Variants in HIVEP3 observed in about 807,000 individuals in gnomAD.
HIVEP3 encodes the protein HIVEP zinc finger 3.
HIVEP3 carries 49 observed loss-of-function variants against 152.8 expected under a neutral mutation model. The observed-to-expected ratio is 0.32, with a 90% CI of 0.26 to 0.41. The LOEUF (loss-of-function observed/expected upper bound fraction) is 0.41, where lower values mean the gene tolerates loss of function less well. Among genes scored for constraint, HIVEP3 ranks in the 10% least tolerant of loss-of-function variants. The probability of loss-of-function intolerance (pLI) is 1.00; values close to 1 mark genes in which losing one functional copy is unlikely to be tolerated. For synonymous variants in HIVEP3, 1,269 were observed against 1,289.0 expected, an observed-to-expected ratio of 0.98 and a Z score of 0.33; for missense variants, 2,790 against 3,103.3, an observed-to-expected ratio of 0.90 and a Z score of 2.40.
chr1:42,025,779 G>A (rs1249028269), intron 1 of HIVEP3, among the ~76,000 whole-genome samples: 1 of 152,158 alleles, frequency 6.6e-6, no homozygotes. Context: ...CCTCAAATCT[G>A]TAAAAAGGGG....
chr1:41,983,545 C>CT (rs1645305735), intron 1 of HIVEP3, among the ~76,000 whole-genome samples: 1 of 152,122 alleles, frequency 6.6e-6, no homozygotes, highest in Non-Finnish European at 1.5e-5. Context: ...GATTAACTGT[C>CT]TGTCTTAGCA....
chr1:41,992,130 T>C (rs371293253), intron 1 of HIVEP3, among the ~76,000 whole-genome samples: 4 of 141,324 alleles, frequency 2.8e-5, no homozygotes, highest in Admixed American at 7.0e-5. Flanking sequence ...TTCAACATAG[T>C]GTTGGAAGTT....
intron 1 of HIVEP3, among the ~76,000 whole-genome samples, chr1:41,935,640 ATGTAAATATGTGTGTTTG>A (rs1645016651): frequency 6.6e-6 from 1 of 151,350 alleles, no homozygotes; most frequent in Admixed American, 6.6e-5. Context: ...ATATATATGT[ATGTAAATATGTGTGTTTG>A]TGTAAAATAT....
At chr1:41,545,526 A>C (rs1287184382) in intron 5 of HIVEP3, among the ~76,000 whole-genome samples, 5 of 129,202 alleles carry the variant, frequency 3.9e-5, no homozygotes, top group African/African-American at 1.5e-4. Flanking sequence ...CATCACCACC[A>C]CTACCATCAC....
At chr1:41,777,994 T>G (rs985257501) in intron 1 of HIVEP3, among the ~76,000 whole-genome samples, 1 of 152,264 alleles carries the variant, frequency 6.6e-6, no homozygotes, top group African/African-American at 2.4e-5. Context: ...CGGGGGTTCT[T>G]GGCAGCAACT....
At chr1:41,703,146 G>C (rs1015596757) in intron 1 of HIVEP3, among the ~76,000 whole-genome samples, 1 of 152,160 alleles carries the variant, frequency 6.6e-6, no homozygotes, top group South Asian at 2.1e-4. Flanking sequence ...GACAAGGCTT[G>C]ACAAAGGACA....
intron 1 of HIVEP3, among the ~76,000 whole-genome samples, chr1:41,861,125 G>T (rs768947018): frequency 6.6e-6 from 1 of 152,328 alleles, no homozygotes; most frequent in East Asian, 1.9e-4. Context: ...GCCTGTGTCC[G>T]TCAGTATGGG....
chr1:41,924,778 C>A (rs1265178847), intron 1 of HIVEP3, among the ~76,000 whole-genome samples: 2 of 152,126 alleles, frequency 1.3e-5, no homozygotes, highest in Non-Finnish European at 2.9e-5. Context: ...TGTTCCAGAG[C>A]TTTTTCTCAC....
chr1:41,591,884 C>T (rs111822681), intron 3 of HIVEP3, among the ~76,000 whole-genome samples: 1,965 of 152,152 alleles, frequency 0.013, 49 homozygotes, highest in African/African-American at 0.045. Flanking sequence ...GAGGCATGAC[C>T]GACCCAACGA....
At chr1:41,915,767 A>G (rs1404979387) in intron 1 of HIVEP3, among the ~76,000 whole-genome samples, 2 of 152,220 alleles carry the variant, frequency 1.3e-5, no homozygotes, top group East Asian at 3.8e-4. Context: ...TAAGGTTATG[A>G]TGGTTACACC....
chr1:41,570,956 A>G (rs1644243594), intron 5 of HIVEP3, among the ~76,000 whole-genome samples: 1 of 152,126 alleles, frequency 6.6e-6, no homozygotes, highest in Admixed American at 6.5e-5. Context: ...AAGTATTTTT[A>G]AGGTGGAAAC....
intron 1 of HIVEP3, among the ~76,000 whole-genome samples, chr1:41,905,890 TG>T (rs1359508638): frequency 9.2e-5 from 14 of 152,176 alleles, no homozygotes; most frequent in Admixed American, 2.6e-4. Context: ...AATGTGCACC[TG>T]AAGGAGTTCA....
At chr1:41,565,555 CAGAGAG>C (rs67612053) in intron 5 of HIVEP3, among the ~76,000 whole-genome samples, 1 of 149,004 alleles carries the variant, frequency 6.7e-6, no homozygotes, top group African/African-American at 2.5e-5. Context: ...CACACACACA[CAGAGAG>C]AGAGAGAGGG....
chr1:41,750,351 A>G (rs1052279518), intron 1 of HIVEP3, among the ~76,000 whole-genome samples: 1 of 152,254 alleles, frequency 6.6e-6, no homozygotes, highest in Non-Finnish European at 1.5e-5. Flanking sequence ...TAAACGAGGG[A>G]GTGAAGGAAT....
chr1:41,779,038 T>C (rs1648881073), intron 1 of HIVEP3, among the ~76,000 whole-genome samples: 1 of 152,192 alleles, frequency 6.6e-6, no homozygotes, highest in Non-Finnish European at 1.5e-5. Context: ...CATACCTTCA[T>C]GCCAGCAGCT....
At chr1:41,934,420 CA>C (rs927754536) in intron 1 of HIVEP3, among the ~76,000 whole-genome samples, 21 of 152,090 alleles carry the variant, frequency 1.4e-4, no homozygotes, top group African/African-American at 5.1e-4. Flanking sequence ...ACTGGGTACC[CA>C]GCAACCTTAG....
At chr1:41,543,614 A>T (rs964522156) in intron 5 of HIVEP3, 18 of 152,130 alleles carry the variant, frequency 1.2e-4, no homozygotes, top group African/African-American at 4.3e-4. Context: ...GTGAGCATAG[A>T]CCCCTCAACA....
At chr1:41,585,702 A>G (rs1644494037) in intron 3 of HIVEP3, among the ~76,000 whole-genome samples, 1 of 152,158 alleles carries the variant, frequency 6.6e-6, no homozygotes, top group African/African-American at 2.4e-5. Flanking sequence ...TCTAAGCCTC[A>G]GTTGCCTAAT....
At chr1:41,654,062 C>T (rs1052268480) in intron 2 of HIVEP3, among the ~76,000 whole-genome samples, 11 of 150,898 alleles carry the variant, frequency 7.3e-5, no homozygotes, top group Non-Finnish European at 1.5e-4. Context: ...TCCCAGCTAT[C>T]GTCACTGCAA....
Sources: allele counts gnomAD v4.1 joint callset (sites outside exome capture counted in the v4.1 genomes callset), GRCh38; gene constraint gnomAD v4.1.1; transcripts MANE v1.5; gene names NCBI Gene and HGNC (gene_info 2026-07-23, HGNC 2026-07-21).